The following PLEKHA7 variants were observed in gnomAD, a reference collection of about 807,000 sequenced individuals.
The protein encoded by PLEKHA7 is pleckstrin homology domain containing A7, also known as pleckstrin homology domain-containing family A member 7.
Under a neutral mutation model 170.0 loss-of-function variants are expected in PLEKHA7, and 104 were observed. The observed-to-expected ratio is 0.61, with a 90% CI of 0.52 to 0.72. The LOEUF is 0.72. PLEKHA7 is among the 30% of genes least tolerant of loss of function. The pLI is 0.00. For synonymous variants in PLEKHA7, 648 were observed against 660.8 expected (o/e 0.98, Z 0.30); for missense variants, 1,615 against 1,671.7 (o/e 0.97, Z 0.59).
In PLEKHA7 at chr11:16,993,321, G is replaced by A. The variant is rs561928275; in HGVS notation, c.221+20668C>T. 5.2e-4 allele frequency among the ~76,000 whole-genome samples: 79 copies of A among 152,166 alleles called. No homozygotes were observed. In the East Asian group the frequency reaches 9.1e-3, roughly 18 times the overall value. On this transcript the variant is annotated intron_variant, in intron 3 of 26. Coordinates refer to ENST00000531066, the MANE Select transcript of PLEKHA7 (RefSeq NM_001329630.2). ...ATGGACTTAAGGAAGGGGCTGGGTCGGGGCGGGCAGAGTGGGGGGCAGGCA... is the reference window on the plus strand; with the variant it reads ...ATGGACTTAAGGAAGGGGCTGGGTCAGGGCGGGCAGAGTGGGGGGCAGGCA...
At chr11:16,992,081 C>CG (rs1236270142) in intron 3 of PLEKHA7, among the ~76,000 whole-genome samples, 2 of 152,150 alleles carry the variant, frequency 1.3e-5, no homozygotes, top group South Asian at 2.1e-4. Flanking sequence ...AGGGACCCCC[C>CG]CCAGCCTGGG....
chr11:16,839,450 T>C lies in PLEKHA7; in HGVS notation c.872+2097A>G, dbSNP rs951194789. ...CATTTAATATATATTTAATAATTTG[T>C]ATATACTTAATTATAAATATATACA... is the stretch of plus-strand genomic sequence containing the variant. On this transcript the variant is annotated intron_variant, in intron 9 of 26. Transcript: ENST00000531066. 1.1e-4 allele frequency among the ~76,000 whole-genome samples: 16 copies of C among 149,456 alleles called. No homozygotes were observed. The South Asian group carries it at 3.1e-3, about 29-fold the overall frequency.
At chr11:16,972,566 A>G (rs1292797060) in intron 3 of PLEKHA7, among the ~76,000 whole-genome samples, 4 of 151,910 alleles carry the variant, frequency 2.6e-5, no homozygotes, top group African/African-American at 9.7e-5. Context: ...GCGCACCACC[A>G]TGCCTGGCTA....
In PLEKHA7 at chr11:17,013,990, C is replaced by A. The variant is rs754850561; in HGVS notation, c.220G>T (p.Asp74Tyr). The A allele has an allele frequency of 8.4e-6, 13 of 1,543,356 alleles. No individual in the cohort carries two copies. In the Admixed American group the frequency reaches 1.2e-4, roughly 14 times the overall value. The change falls in exon 3 of 27, where the codon GAC (aspartate) becomes TAC (tyrosine). Residue 74 changes from aspartate (D) to tyrosine (Y), a missense_variant and splice_region_variant. Transcript: ENST00000531066. The stretch of plus-strand genomic sequence containing the variant: ...AGCGCGGCGGCCCCACTCACTCACT[C>A]GATGAAGTAGCTGGCGCCCTCCTCC... ...FTEEGASYFI[D>Y]HNQQTTAFRH...
chr11:16,897,416 A>T (rs1452494853), intron 3 of PLEKHA7, among the ~76,000 whole-genome samples: 1 of 152,152 alleles, frequency 6.6e-6, no homozygotes, highest in African/African-American at 2.4e-5. Flanking sequence ...CATATAGTGC[A>T]GAAACCCCAA....
intron 3 of PLEKHA7, among the ~76,000 whole-genome samples, chr11:16,943,667 T>C (rs976681175): frequency 3.3e-5 from 5 of 152,170 alleles, no homozygotes; most frequent in Admixed American, 6.5e-5. Flanking sequence ...AATAAGAGTA[T>C]TGATAATCCC....
At chr11:16,828,951 C>T (rs1850882857) in intron 9 of PLEKHA7, among the ~76,000 whole-genome samples, 1 of 152,174 alleles carries the variant, frequency 6.6e-6, no homozygotes. Flanking sequence ...GCTCCTACAT[C>T]TAACCATATG....
intron 3 of PLEKHA7, among the ~76,000 whole-genome samples, chr11:16,966,470 CTG>C (rs907219653): frequency 2.0e-5 from 3 of 152,126 alleles, no homozygotes; most frequent in Non-Finnish European, 4.4e-5. Context: ...AAGGGCCACA[CTG>C]TGAACCAGAA....
At chr11:16,935,442 C>T (rs1174386473) in intron 3 of PLEKHA7, among the ~76,000 whole-genome samples, 5 of 152,182 alleles carry the variant, frequency 3.3e-5, no homozygotes, top group African/African-American at 2.4e-5. Context: ...TTAAATGTGT[C>T]GGTCCTTTTC....
At chr11:16,900,834 G>A (rs1857282271) in intron 3 of PLEKHA7, among the ~76,000 whole-genome samples, 1 of 151,814 alleles carries the variant, frequency 6.6e-6, no homozygotes, top group South Asian at 2.1e-4. Flanking sequence ...ATAACATGTG[G>A]AAGTCATGAT....
chr11:16,881,290 T>G (rs1161995054), intron 3 of PLEKHA7: 1 of 152,208 alleles, frequency 6.6e-6, no homozygotes. Flanking sequence ...TCACCCTCCC[T>G]TTGGGCTCCA....
At chr11:17,012,352 C>A (rs1865368485) in intron 3 of PLEKHA7, among the ~76,000 whole-genome samples, 1 of 152,222 alleles carries the variant, frequency 6.6e-6, no homozygotes, top group Admixed American at 6.5e-5. Flanking sequence ...AGCCTTCCTG[C>A]TCCTTAAACT....
chr11:16,841,489 C>A lies in PLEKHA7; in HGVS notation c.872+58G>T, dbSNP rs1252510929. The A allele has an allele frequency of 2.6e-6, 4 of 1,558,602 alleles. No individual in the cohort carries two copies. The African/African-American group carries it at 4.1e-5, about 16-fold the overall frequency. On this transcript the variant is annotated intron_variant, in intron 9 of 26. Coordinates refer to ENST00000531066, the MANE Select transcript of PLEKHA7 (RefSeq NM_001329630.2). ...ATCTCAGGCACCCAAGAGGACCTAT[C>A]TGGGTCCCAATCCTAGTGTAGGAGG...
intron 23 of PLEKHA7, chr11:16,786,659 A>C: frequency 1.0e-6 from 1 of 985,398 alleles, no homozygotes. Flanking sequence ...AGTGGTCCCC[A>C]GGGAAATAGA....
At chr11:16,972,502 C>G (rs1409976706) in intron 3 of PLEKHA7, among the ~76,000 whole-genome samples, 1 of 152,158 alleles carries the variant, frequency 6.6e-6, no homozygotes, top group Non-Finnish European at 1.5e-5. Flanking sequence ...GCCTCCATCT[C>G]CAGGCTCAAG....
At chr11:16,953,235 T>A (rs1861512250) in intron 3 of PLEKHA7, among the ~76,000 whole-genome samples, 1 of 152,234 alleles carries the variant, frequency 6.6e-6, no homozygotes, top group Admixed American at 6.5e-5. Flanking sequence ...CCTATTGGAT[T>A]ACAATCTCAG....
At chr11:16,921,456 C>G (rs1859085831) in intron 3 of PLEKHA7, among the ~76,000 whole-genome samples, 1 of 152,158 alleles carries the variant, frequency 6.6e-6, no homozygotes, top group Non-Finnish European at 1.5e-5. Context: ...AAATAGCAAA[C>G]TTATTTTACA....
chr11:16,783,561 C>G (rs1372859467), intron 25 of PLEKHA7, 139 bp downstream of exon 25: 2 of 929,734 alleles, frequency 2.2e-6, no homozygotes, highest in Non-Finnish European at 2.9e-6. Flanking sequence ...CCAGCCTGCC[C>G]CCTCCAATGA....
Position 16,779,022 on chromosome 11 carries a change from T to C in PLEKHA7, c.3794-2A>G, listed in dbSNP as rs1417539461. On this transcript the variant is annotated splice_acceptor_variant, in intron 26 of 26. Transcript: ENST00000531066. LOFTEE classifies it high-confidence loss of function. ...GTCACGGGTCAGTCACTGCCTGGGCTGGCAAAAAGCACAGGAGACAGTGAG... is the reference window on the plus strand; with the variant it reads ...GTCACGGGTCAGTCACTGCCTGGGCCGGCAAAAAGCACAGGAGACAGTGAG... 7 of 702,564 alleles carry C rather than the reference T, an allele frequency of 1.0e-5. No homozygotes were observed. In the African/African-American group the frequency reaches 1.2e-4, roughly 12 times the overall value. The allele number at this position is 702,564 out of a possible 1,614,324, so 43.5% of individuals were successfully genotyped here. A position where few individuals can be genotyped will look rare whatever the true frequency, so the allele number is the denominator to read the frequency against.
Sources: allele counts gnomAD v4.1 joint callset (sites outside exome capture counted in the v4.1 genomes callset), GRCh38; gene constraint gnomAD v4.1.1; transcripts MANE v1.5; gene names NCBI Gene and HGNC (gene_info 2026-07-23, HGNC 2026-07-21).